CNST: variants seen among roughly 807,000 people sequenced by gnomAD.
The protein encoded by CNST is consortin, connexin sorting protein.
Under a neutral mutation model 72.4 loss-of-function variants are expected in CNST, and 39 were observed. That is an observed-to-expected ratio of 0.54 (90% CI 0.42 to 0.70). CNST has a LOEUF of 0.70. CNST is among the 30% of genes least tolerant of loss of function. CNST has a pLI of 0.00. For missense variants in CNST, 871 were observed against 868.5 expected, an observed-to-expected ratio of 1.00 and a Z score of -0.04; for synonymous variants, 332 against 320.1, an observed-to-expected ratio of 1.04 and a Z score of -0.40.
In CNST at chr1:246,648,307, T is replaced by A. The variant is rs1666246917; in HGVS notation, c.1836+270T>A. ...TATTGTATATATCCATTTTTTATAG[T>A]CCTGACTGTTATGTGGCAGTTCCAG... is the stretch of plus-strand genomic sequence containing the variant. On this transcript the variant is annotated intron_variant, in intron 9 of 10. Coordinates refer to ENST00000366513, the MANE Select transcript of CNST (RefSeq NM_152609.3). The A allele has an allele frequency of 6.4e-6, 6 of 937,352 alleles. No homozygotes were observed. In the South Asian group the frequency reaches 2.1e-4, roughly 33 times the overall value. 58.1% of individuals were successfully genotyped at this position (937,352 alleles called of 1,614,324 possible).
chr1:246,624,595 A>C (rs1664302191), intron 3 of CNST, among the ~76,000 whole-genome samples: 1 of 152,244 alleles, frequency 6.6e-6, no homozygotes, highest in African/African-American at 2.4e-5. Flanking sequence ...GGGTGACAAG[A>C]TTCGGTTGAT....
intron 1 of CNST, among the ~76,000 whole-genome samples, chr1:246,570,228 A>G (rs1359146155): frequency 6.6e-6 from 1 of 152,212 alleles, no homozygotes; most frequent in Non-Finnish European, 1.5e-5. Flanking sequence ...ACGTGCTTCA[A>G]GTTGTTTTTG....
At chr1:246,616,387 GC>G (rs919049824) in intron 2 of CNST, among the ~76,000 whole-genome samples, 1 of 151,590 alleles carries the variant, frequency 6.6e-6, no homozygotes, top group African/African-American at 2.4e-5. Context: ...CACCCCCACT[GC>G]CCCCCCAGAA....
chr1:246,630,157 C>T (rs544099302), intron 3 of CNST, among the ~76,000 whole-genome samples: 1 of 152,274 alleles, frequency 6.6e-6, no homozygotes, highest in South Asian at 2.1e-4. Context: ...TGACATCGGC[C>T]ATGGTGGGAG....
At chr1:246,643,089 A>C (rs559238645) in intron 8 of CNST, among the ~76,000 whole-genome samples, 1 of 151,516 alleles carries the variant, frequency 6.6e-6, no homozygotes, top group East Asian at 2.0e-4. Flanking sequence ...TGGAGGTCTC[A>C]CTATGTTGCT....
chr1:246,626,588 C>G (rs1664455075), intron 3 of CNST, among the ~76,000 whole-genome samples: 2 of 149,720 alleles, frequency 1.3e-5, no homozygotes, highest in South Asian at 4.2e-4. Flanking sequence ...CCACAAGTAG[C>G]TGGGATTACA....
intron 6 of CNST, among the ~76,000 whole-genome samples, chr1:246,640,969 GCAC>G (rs1187698011): frequency 2.6e-5 from 4 of 152,160 alleles, no homozygotes; most frequent in Non-Finnish European, 5.9e-5. Flanking sequence ...GCTCCCTCAT[GCAC>G]CTGCCAACTT....
chr1:246,574,338 G>A (rs1660255961), intron 1 of CNST, among the ~76,000 whole-genome samples: 1 of 152,202 alleles, frequency 6.6e-6, no homozygotes, highest in Non-Finnish European at 1.5e-5. Flanking sequence ...ACCGCTCCCA[G>A]CCGCTCCAAA....
chr1:246,631,775 G>A, intron 3 of CNST, 119 bp from the exon 4 acceptor site: 2 of 741,962 alleles, frequency 2.7e-6, no homozygotes, highest in Non-Finnish European at 4.8e-6. Flanking sequence ...TTTAAAAAAA[G>A]AGTTTTCTTA....
chr1:246,655,989 G>A (rs964446914), intron 9 of CNST, among the ~76,000 whole-genome samples: 2 of 152,220 alleles, frequency 1.3e-5, no homozygotes, highest in Non-Finnish European at 2.9e-5. Context: ...CTGTAGTTAG[G>A]AATAGTAGCA....
At chr1:246,658,214 A>T (rs1210020222) in intron 9 of CNST, among the ~76,000 whole-genome samples, 2 of 152,218 alleles carry the variant, frequency 1.3e-5, no homozygotes, top group Admixed American at 1.3e-4. Flanking sequence ...TAATGTATTC[A>T]TGAAAATTAA....
At chr1:246,587,043 T>C (rs979513979) in intron 1 of CNST, among the ~76,000 whole-genome samples, 1 of 152,196 alleles carries the variant, frequency 6.6e-6, no homozygotes, top group African/African-American at 2.4e-5. Flanking sequence ...CTATAAAAAA[T>C]GGAAATAATT....
intron 1 of CNST, among the ~76,000 whole-genome samples, chr1:246,579,201 C>T (rs1558528456): frequency 6.6e-6 from 1 of 152,196 alleles, no homozygotes; most frequent in Non-Finnish European, 1.5e-5. Flanking sequence ...TCTCTTCCAT[C>T]CTCACCTTTA....
chr1:246,631,466 C>G (rs1001677112), intron 3 of CNST, among the ~76,000 whole-genome samples: 3 of 152,110 alleles, frequency 2.0e-5, no homozygotes, highest in Non-Finnish European at 2.9e-5. Flanking sequence ...TCTGCTTTTT[C>G]TTTTTATTAA....
chr1:246,602,721 A>T (rs1399707719), intron 2 of CNST, among the ~76,000 whole-genome samples: 1 of 152,182 alleles, frequency 6.6e-6, no homozygotes, highest in Non-Finnish European at 1.5e-5. Flanking sequence ...GCCCATCTTA[A>T]AGGATGCCAG....
intron 10 of CNST, among the ~76,000 whole-genome samples, chr1:246,664,699 T>G (rs950771301): frequency 9.9e-5 from 15 of 152,162 alleles, no homozygotes; most frequent in Non-Finnish European, 1.9e-4. Context: ...GTGCTGGGAT[T>G]ACAGGCGTGA....
intron 8 of CNST, among the ~76,000 whole-genome samples, chr1:246,645,716 C>T (rs1177542452): frequency 1.3e-5 from 2 of 151,924 alleles, no homozygotes; most frequent in Non-Finnish European, 2.9e-5. Context: ...CTTGAGCCAC[C>T]GCGCCCGGCC....
rs914841241 is a variant in CNST, at chr1:246,667,056, C to T, written c.*1151C>T. On this transcript the variant is annotated 3_prime_UTR_variant, in exon 11 of 11. Coordinates refer to ENST00000366513, the MANE Select transcript of CNST (RefSeq NM_152609.3). ...TTGTTTAAATCTGTCCGTTAGGTGG[C>T]CTTTCCTTATCTGAGGTGTAGTGGT... 6.6e-6 allele frequency: 1 copy of T among 151,856 alleles called. No individual in the cohort carries two copies. Among genetic ancestry groups the T allele is most frequent in the South Asian group, 2.1e-4 (1 of 4,806 alleles). The allele number at this position is 151,856 out of a possible 1,614,324, so 9.4% of individuals were successfully genotyped here.
chr1:246,644,320 C>G (rs571856419), intron 8 of CNST, among the ~76,000 whole-genome samples: 1 of 134,474 alleles, frequency 7.4e-6, no homozygotes, highest in Non-Finnish European at 1.5e-5. Flanking sequence ...ACCCGGGAGG[C>G]GGAGCTTGCA....
Sources: gnomAD v4.1 joint callset for allele counts (sites outside exome capture counted in the v4.1 genomes callset) on GRCh38, gnomAD v4.1.1 for gene constraint, MANE v1.5 for transcripts, NCBI Gene and HGNC (gene_info 2026-07-23, HGNC 2026-07-21) for gene names.